Variants in NCR3 observed in about 807,000 individuals in gnomAD.
NCR3 encodes the protein natural cytotoxicity triggering receptor 3.
In NCR3, 13 loss-of-function variants were observed where a neutral mutation model predicts 16.1. That is an observed-to-expected ratio of 0.81 (90% CI 0.53 to 1.28). The LOEUF (loss-of-function observed/expected upper bound fraction) is 1.28. NCR3 is among the 50% of genes most tolerant of loss of function. The pLI is 0.00. For synonymous variants in NCR3, 98 were observed against 106.6 expected, an observed-to-expected ratio of 0.92 and a Z score of 0.50; for missense variants, 202 against 256.8, an observed-to-expected ratio of 0.79 and a Z score of 1.46.
chr6:31,590,146 C>T lies in NCR3; in HGVS notation c.44-20G>A, dbSNP rs1333288467. The T allele has an allele frequency of 1.9e-6, 3 of 1,579,236 alleles. No individual in the cohort carries two copies. The highest frequency in any genetic ancestry group is 1.4e-5 in the African/African-American group (1 of 73,352). On this transcript the variant is annotated intron_variant, in intron 1 of 3. Coordinates refer to ENST00000340027, the MANE Select transcript of NCR3 (RefSeq NM_147130.3). ...AGGATCCTGGGGGCAGAAGGAAGAC[C>T]CAGAGAAACACCTCCCCAGTTATTC...
Position 31,589,855 on chromosome 6 carries a change from G to C in NCR3, c.315C>G (p.Ile105Met). The C allele has an allele frequency of 3.1e-6, 5 of 1,613,262 alleles. No individual in the cohort carries two copies. Among genetic ancestry groups the C allele is most frequent in the Non-Finnish European group, 4.2e-6 (5 of 1,180,046 alleles). Reference protein sequence around the residue: ...IRDVRGHDASIYVCRVEVLGL... With the variant: ...IRDVRGHDASMYVCRVEVLGL... ...CCAGCACCTCCACTCTGCACACGTAGATGCTGGCGTCATGGCCTCGCACGT... is the reference window on the plus strand; with the variant it reads ...CCAGCACCTCCACTCTGCACACGTACATGCTGGCGTCATGGCCTCGCACGT... The change falls in exon 2 of 4, where the codon ATC becomes ATG. Residue 105 changes from isoleucine to methionine, a missense_variant. Physicochemically the swap from Ile to Met is conservative, Grantham distance 10. Transcript: ENST00000340027. This position sits in a 1 kb window ranked among gnomAD's most constrained non-coding sequence, Gnocchi z 4.8.
In NCR3 at chr6:31,589,371, T is replaced by A. The variant is rs1006321912; in HGVS notation, c.496+155A>T. On this transcript the variant is annotated intron_variant, in intron 3 of 3. Transcript: ENST00000340027. This position sits in a 1 kb window ranked among gnomAD's most constrained non-coding sequence, Gnocchi z 4.8. ...GGCCCATCTGAGGAGTGGCAGTGTG[T>A]TCCCATGTGACAGTGGCCTGGTCAG... 2 of 1,552,406 alleles carry A rather than the reference T, an allele frequency of 1.3e-6. No individual in the cohort carries two copies. Among genetic ancestry groups the A allele is most frequent in the Admixed American group, 3.9e-5 (2 of 51,010 alleles).
intron 1 of NCR3, among the ~76,000 whole-genome samples, chr6:31,591,662 A>G (rs1232852084): frequency 2.0e-5 from 3 of 152,054 alleles, no homozygotes; most frequent in Non-Finnish European, 4.4e-5. Context: ...CTAAAAATAC[A>G]CAAGTTAGCC....
Position 31,589,343 on chromosome 6 carries a change from C to T in NCR3, c.497-167G>A, listed in dbSNP as rs773676183. ...ACATCTGGGCTCTGGAATCACTCCT[C>T]GGGGCCCATCTGAGGAGTGGCAGTG... On this transcript the variant is annotated intron_variant, in intron 3 of 3. Coordinates refer to ENST00000340027, the MANE Select transcript of NCR3 (RefSeq NM_147130.3). This position sits in a 1 kb window ranked among gnomAD's most constrained non-coding sequence, Gnocchi z 4.8. 7.7e-6 allele frequency: 12 copies of T among 1,552,134 alleles called. No individual in the cohort carries two copies. The highest frequency in any genetic ancestry group is 6.8e-5 in the African/African-American group (5 of 73,010).
chr6:31,589,192 G>C lies in NCR3; in HGVS notation c.497-16C>G. On this transcript the variant is annotated splice_polypyrimidine_tract_variant and intron_variant, in intron 3 of 3. Coordinates refer to ENST00000340027, the MANE Select transcript of NCR3 (RefSeq NM_147130.3). This position sits in a 1 kb window ranked among gnomAD's most constrained non-coding sequence, Gnocchi z 4.8. Reference sequence around the variant, plus strand: ...CAGGTCAGACCTGGTGGAAGGGAAAGTTCAGAGTTGGGGGAATCCGGAGAG... The same window carrying C: ...CAGGTCAGACCTGGTGGAAGGGAAACTTCAGAGTTGGGGGAATCCGGAGAG... The C allele has an allele frequency of 6.2e-7, 1 of 1,612,074 alleles. No individual in the cohort carries two copies. The highest frequency in any genetic ancestry group is 2.2e-5 in the East Asian group (1 of 44,836).
chr6:31,589,307 G>C lies in NCR3; in HGVS notation c.497-131C>G. 1.9e-6 allele frequency: 3 copies of C among 1,552,354 alleles called. No individual in the cohort carries two copies. The South Asian group carries it at 3.6e-5, about 18-fold the overall frequency. ...GGCAGATTTATTGGGGTCTTTTGAA[G>C]AGGACTAGGGACATCTGGGCTCTGG... On this transcript the variant is annotated intron_variant, in intron 3 of 3. Coordinates refer to ENST00000340027, the MANE Select transcript of NCR3 (RefSeq NM_147130.3). This position sits in a 1 kb window ranked among gnomAD's most constrained non-coding sequence, Gnocchi z 4.8.
Position 31,592,856 on chromosome 6 carries a change from C to G in NCR3, c.-135G>C. On this transcript the variant is annotated 5_prime_UTR_variant, in exon 1 of 4. Coordinates refer to ENST00000340027, the MANE Select transcript of NCR3 (RefSeq NM_147130.3). ...AGCTTCCTATGACACACGGGACTCA[C>G]ACATCACTTGCCAAGGACCACAACT... 3.5e-6 allele frequency: 3 copies of G among 866,202 alleles called. No individual in the cohort carries two copies. In the South Asian group the frequency reaches 4.3e-5, roughly 12 times the overall value. The allele number at this position is 866,202 out of a possible 1,614,324, so 53.7% of individuals were successfully genotyped here.
In NCR3 at chr6:31,592,789, A is replaced by C. The variant is rs889391141; in HGVS notation, c.-68T>G. On this transcript the variant is annotated 5_prime_UTR_variant, in exon 1 of 4. Transcript: ENST00000340027. ...GGTCTGGGTGGAGGAGGAAGGACTC[A>C]CTACTTGTAGCCAGGCCTTTGGTCA... The C allele has an allele frequency of 2.2e-5, 34 of 1,575,386 alleles. No homozygotes were observed. Among genetic ancestry groups the C allele is most frequent in the Non-Finnish European group, 2.7e-5 (31 of 1,147,798 alleles).
In NCR3 at chr6:31,592,828, G is replaced by A; in HGVS notation, c.-107C>T. The A allele has an allele frequency of 8.2e-7, 1 of 1,216,718 alleles. No individual in the cohort carries two copies. Among genetic ancestry groups the A allele is most frequent in the Non-Finnish European group, 1.2e-6 (1 of 832,674 alleles). 75.4% of individuals were successfully genotyped at this position (1,216,718 alleles called of 1,614,324 possible). A position where few individuals can be genotyped will look rare whatever the true frequency, so the allele number is the denominator to read the frequency against. ...GGCCTTTGGTCACCAGATGGGGATG[G>A]GGAGCTTCCTATGACACACGGGACT... On this transcript the variant is annotated 5_prime_UTR_variant, in exon 1 of 4. Transcript: ENST00000340027.
Position 31,589,002 on chromosome 6 carries a change from C to A in NCR3, c.*65G>T. 6.7e-7 allele frequency: 1 copy of A among 1,481,664 alleles called. No homozygotes were observed. The highest frequency in any genetic ancestry group is 1.4e-5 in the African/African-American group (1 of 70,924). The allele number at this position is 1,481,664 out of a possible 1,614,324, so 91.8% of individuals were successfully genotyped here. On this transcript the variant is annotated 3_prime_UTR_variant, in exon 4 of 4. Transcript: ENST00000340027. This position sits in a 1 kb window ranked among gnomAD's most constrained non-coding sequence, Gnocchi z 4.8. ...CAGAAGAGGGTATGTGTGGGCCTGG[C>A]AGGAAAGGGCAGTTGCCAAGGAGGA...
At chr6:31,591,026 G>A (rs147714232) in intron 1 of NCR3, among the ~76,000 whole-genome samples, 5 of 152,096 alleles carry the variant, frequency 3.3e-5, no homozygotes, top group Admixed American at 2.6e-4. Context: ...TTTCAGTCGA[G>A]ACAGGGTTTC....
intron 1 of NCR3, among the ~76,000 whole-genome samples, chr6:31,591,717 G>C (rs1406206586): frequency 6.6e-6 from 1 of 152,150 alleles, no homozygotes; most frequent in Non-Finnish European, 1.5e-5. Context: ...TTGGGAGGCT[G>C]AGACAGGAGA....
In NCR3 at chr6:31,589,651, G is replaced by A; in HGVS notation, c.389-18C>T. ...AGGATGTTCTGCATGGGGCAATGGA[G>A]ACGGGGGTTGGGGAAGAAGTGCACA... On this transcript the variant is annotated intron_variant, in intron 2 of 3. Transcript: ENST00000340027. The surrounding 1 kb of genome is among the most constrained non-coding windows in gnomAD (Gnocchi z 4.8). The A allele has an allele frequency of 6.2e-7, 1 of 1,612,914 alleles. No homozygotes were observed. The highest frequency in any genetic ancestry group is 8.5e-7 in the Non-Finnish European group (1 of 1,179,672).
chr6:31,590,837 C>CTTTTTCT (rs1162498187), intron 1 of NCR3, among the ~76,000 whole-genome samples: 1 of 151,990 alleles, frequency 6.6e-6, no homozygotes, highest in Non-Finnish European at 1.5e-5. Context: ...CATCCTTCCT[C>CTTTTTCT]TTTTTCTTTT....
chr6:31,591,557 T>C (rs1291104585), intron 1 of NCR3, among the ~76,000 whole-genome samples: 1 of 152,244 alleles, frequency 6.6e-6, no homozygotes, highest in Non-Finnish European at 1.5e-5. Context: ...GGCTCACGCC[T>C]ATAATCCCAA....
rs757250170 is a variant in NCR3, at chr6:31,589,490, A to G, written c.496+36T>C. The G allele has an allele frequency of 6.8e-6, 11 of 1,611,468 alleles. No individual in the cohort carries two copies. ...CTCCCACTCTCTTACTGCCCCTCCC[A>G]TCCCGTCCACTATTGCCCCTGGCTC... is the stretch of plus-strand genomic sequence containing the variant. On this transcript the variant is annotated intron_variant, in intron 3 of 3. Transcript: ENST00000340027. This position sits in a 1 kb window ranked among gnomAD's most constrained non-coding sequence, Gnocchi z 4.8.
Position 31,588,905 on chromosome 6 carries a change from A to C in NCR3, c.*162T>G, listed in dbSNP as rs1772344274. The C allele has an allele frequency of 1.1e-6, 1 of 921,132 alleles. No homozygotes were observed. The allele number at this position is 921,132 out of a possible 1,614,324, so 57.1% of individuals were successfully genotyped here. ...AAAAAAACACATGGCTCACCCTTCC[A>C]CCCACTCTGGGGTCAAATAGTAATT... On this transcript the variant is annotated 3_prime_UTR_variant, in exon 4 of 4. Coordinates refer to ENST00000340027, the MANE Select transcript of NCR3 (RefSeq NM_147130.3).
Position 31,592,963 on chromosome 6 carries a change from G to A in NCR3, c.-242C>T. ...CTGGAGGAGATGTCAGGGTCTCTAGGAGGCCAAGGGGCCAGCTTGTGGCAG... is the reference window on the plus strand; with the variant it reads ...CTGGAGGAGATGTCAGGGTCTCTAGAAGGCCAAGGGGCCAGCTTGTGGCAG... On this transcript the variant is annotated 5_prime_UTR_variant, in exon 1 of 4. Coordinates refer to ENST00000340027, the MANE Select transcript of NCR3 (RefSeq NM_147130.3). The A allele has an allele frequency of 1.7e-6, 1 of 595,610 alleles. No homozygotes were observed. The allele number at this position is 595,610 out of a possible 1,614,324, so 36.9% of individuals were successfully genotyped here.
Position 31,589,821 on chromosome 6 carries a change from C to T in NCR3, c.349G>A (p.Val117Ile). ...VCRVEVLGLG[V>I]GTGNGTRLVV... ...AGCCGAGTCCCATTCCCTGTCCCGA[C>T]ACCAAGGCCCAGCACCTCCACTCTG... The change falls in exon 2 of 4, where the codon GTC becomes ATC. Residue 117 changes from valine to isoleucine, a missense_variant. Val to Ile is a conservative substitution (Grantham distance 29). Coordinates refer to ENST00000340027, the MANE Select transcript of NCR3 (RefSeq NM_147130.3). The surrounding 1 kb of genome is among the most constrained non-coding windows in gnomAD (Gnocchi z 4.8). 1 of 1,613,120 alleles carries T rather than the reference C, an allele frequency of 6.2e-7. No individual in the cohort carries two copies. Among genetic ancestry groups the T allele is most frequent in the Non-Finnish European group, 8.5e-7 (1 of 1,179,894 alleles).
Sources: allele counts gnomAD v4.1 joint callset (sites outside exome capture counted in the v4.1 genomes callset), GRCh38; gene constraint gnomAD v4.1.1; non-coding constraint Gnocchi (gnomAD v3.1); transcripts MANE v1.5; gene names NCBI Gene and HGNC (gene_info 2026-07-23, HGNC 2026-07-21).